Variants in ADAMTS16 observed in about 807,000 individuals in gnomAD.
ADAMTS16 encodes ADAM metallopeptidase with thrombospondin type 1 motif 16.
Under a neutral mutation model 145.8 loss-of-function variants are expected in ADAMTS16, and 94 were observed. The ratio of observed to expected loss-of-function variants is 0.64; its 90% CI spans 0.55 to 0.77. ADAMTS16 has a LOEUF of 0.77. Among genes scored for constraint, ADAMTS16 ranks in the 30% least tolerant of loss-of-function variants. The pLI, the probability that ADAMTS16 is intolerant of heterozygous loss-of-function variation, is 0.00. For missense variants in ADAMTS16, 1,585 were observed against 1,591.5 expected (o/e 1.00, Z 0.07); for synonymous variants, 659 against 604.3 (o/e 1.09, Z -1.33).
intron 17 of ADAMTS16, among the ~76,000 whole-genome samples, chr5:5,248,150 A>AT (rs1389788026): frequency 6.6e-6 from 1 of 151,952 alleles, no homozygotes; most frequent in African/African-American, 2.4e-5. Context: ...AATTCGTTTG[A>AT]TTTTTTTTCT....
chr5:5,160,889 A>G (rs576393026), intron 3 of ADAMTS16, among the ~76,000 whole-genome samples: 2 of 152,228 alleles, frequency 1.3e-5, no homozygotes, highest in Admixed American at 6.5e-5. Flanking sequence ...CTGTGCCTTT[A>G]TGTGTATACA....
intron 21 of ADAMTS16, among the ~76,000 whole-genome samples, chr5:5,308,536 C>T (rs1275068891): frequency 6.6e-6 from 1 of 152,184 alleles, no homozygotes; most frequent in Non-Finnish European, 1.5e-5. Flanking sequence ...TCCCAGGGAG[C>T]ACCTCACACC....
intron 11 of ADAMTS16, among the ~76,000 whole-genome samples, chr5:5,226,632 G>A (rs1307976591): frequency 6.6e-6 from 1 of 152,120 alleles, no homozygotes; most frequent in Non-Finnish European, 1.5e-5. Context: ...CAGTTTAGAT[G>A]TGTGTGTGGC....
At chr5:5,309,936 C>T (rs988323962) in intron 21 of ADAMTS16, among the ~76,000 whole-genome samples, 1 of 151,998 alleles carries the variant, frequency 6.6e-6, no homozygotes, top group African/African-American at 2.4e-5. Context: ...CAGTCGTGCA[C>T]AGTTCACATC....
At chr5:5,227,283 G>A (rs986736101) in intron 11 of ADAMTS16, among the ~76,000 whole-genome samples, 9 of 152,168 alleles carry the variant, frequency 5.9e-5, no homozygotes, top group Admixed American at 5.2e-4. Flanking sequence ...AACAGTAATC[G>A]CCACAGGCGT....
At position 5,235,047 on chromosome 5, in the gene ADAMTS16, C is replaced by T. The variant is rs1172381731; in HGVS notation, c.1884C>T (p.Ser628=). Residue 628 remains serine (S), a synonymous_variant, in exon 13 of 23, where the codon TCC becomes TCT. Transcript: ENST00000274181. ...PSHGGKFCEG[S]TRTLKLCNSQ... ...ATGGAGGGAAGTTCTGTGAGGGCTC[C>T]ACTCGCACTCTGAAGCTCTGCAACA... The T allele has an allele frequency of 1.0e-5, 16 of 1,595,648 alleles. No individual in the cohort carries two copies. Among genetic ancestry groups the T allele is most frequent in the Non-Finnish European group, 1.3e-5 (15 of 1,165,444 alleles).
chr5:5,150,389 G>T (rs2126509944), intron 3 of ADAMTS16, among the ~76,000 whole-genome samples: 1 of 152,304 alleles, frequency 6.6e-6, no homozygotes, highest in South Asian at 2.1e-4. Context: ...CTTAGAGATA[G>T]GTAGGGCAGC....
chr5:5,234,720 AT>A (rs1737042836), intron 12 of ADAMTS16, among the ~76,000 whole-genome samples: 1 of 151,944 alleles, frequency 6.6e-6, no homozygotes, highest in East Asian at 1.9e-4. Context: ...AAATACAAAA[AT>A]TAGCTGGGTG....
chr5:5,293,402 C>T lies in ADAMTS16; in HGVS notation c.2790-9866C>T, dbSNP rs1739406150. Reference sequence around the variant, plus strand: ...CCCTCAGAGCTCTTTCATGCTGTTTCCTCTTGATCCGCAAACCAGTCTCTC... The same window carrying T: ...CCCTCAGAGCTCTTTCATGCTGTTTTCTCTTGATCCGCAAACCAGTCTCTC... On this transcript the variant is annotated intron_variant, in intron 18 of 22. Transcript: ENST00000274181. Among the ~76,000 whole-genome samples the T allele has an allele frequency of 1.3e-5, 2 of 152,130 alleles. 1 individual carries two copies. Among genetic ancestry groups the T allele is most frequent in the South Asian group, 4.2e-4 (2 of 4,810 alleles).
intron 11 of ADAMTS16, among the ~76,000 whole-genome samples, chr5:5,224,459 T>C (rs1736695526): frequency 6.6e-6 from 1 of 152,056 alleles, no homozygotes; most frequent in Admixed American, 6.6e-5. Flanking sequence ...CCAGCTAATT[T>C]TTGTATTTTT....
At chr5:5,268,998 G>A (rs1738364065) in intron 18 of ADAMTS16, among the ~76,000 whole-genome samples, 1 of 152,100 alleles carries the variant, frequency 6.6e-6, no homozygotes, top group Non-Finnish European at 1.5e-5. Context: ...ATGCCTGCTG[G>A]GTCTAGTTGG....
intron 8 of ADAMTS16, among the ~76,000 whole-genome samples, chr5:5,193,975 G>T (rs1041804125): frequency 2.0e-5 from 3 of 151,862 alleles, no homozygotes; most frequent in African/African-American, 7.3e-5. Context: ...GGTGGTGTGC[G>T]TCTGTAGTCC....
At chr5:5,201,432 A>C (rs1735952845) in intron 9 of ADAMTS16, among the ~76,000 whole-genome samples, 1 of 152,082 alleles carries the variant, frequency 6.6e-6, no homozygotes, top group South Asian at 2.1e-4. Context: ...ATAGATTCTA[A>C]GGAACTAGCT....
At chr5:5,156,553 G>A (rs1481661672) in intron 3 of ADAMTS16, among the ~76,000 whole-genome samples, 1 of 152,152 alleles carries the variant, frequency 6.6e-6, no homozygotes, top group Non-Finnish European at 1.5e-5. Context: ...CTTGTATGGG[G>A]CTGGAACTGT....
intron 11 of ADAMTS16, among the ~76,000 whole-genome samples, chr5:5,224,497 T>C (rs907380234): frequency 2.0e-5 from 3 of 151,876 alleles, no homozygotes; most frequent in Non-Finnish European, 2.9e-5. Context: ...ACCATGTTGG[T>C]CAGGCTGGTC....
chr5:5,289,208 A>G (rs72726013), intron 18 of ADAMTS16, among the ~76,000 whole-genome samples: 14,598 of 151,896 alleles, frequency 0.096, 938 homozygotes, highest in Non-Finnish European at 0.14. Flanking sequence ...ATAATAGAAA[A>G]AAAAGCTTAG....
At chr5:5,301,619 C>T (rs1041335754) in intron 18 of ADAMTS16, among the ~76,000 whole-genome samples, 2 of 152,200 alleles carry the variant, frequency 1.3e-5, no homozygotes, top group Non-Finnish European at 2.9e-5. Flanking sequence ...CCAGAGGCAC[C>T]TCCGGAGTTC....
At chr5:5,171,272 T>C (rs1415978785) in intron 3 of ADAMTS16, among the ~76,000 whole-genome samples, 1 of 152,222 alleles carries the variant, frequency 6.6e-6, no homozygotes, top group African/African-American at 2.4e-5. Flanking sequence ...TTCTTTCTCT[T>C]GTCTGATTGC....
chr5:5,142,710 A>C (rs997155190), intron 2 of ADAMTS16, among the ~76,000 whole-genome samples: 1 of 152,212 alleles, frequency 6.6e-6, no homozygotes, highest in Non-Finnish European at 1.5e-5. Flanking sequence ...GACTCAAACT[A>C]TTATTGCAAA....
Sources: allele counts gnomAD v4.1 joint callset (sites outside exome capture counted in the v4.1 genomes callset), GRCh38; gene constraint gnomAD v4.1.1; transcripts MANE v1.5; gene names NCBI Gene and HGNC (gene_info 2026-07-23, HGNC 2026-07-21).